Variants in AGBL4 observed in about 807,000 individuals in gnomAD.
AGBL4 encodes cytosolic carboxypeptidase 6.
AGBL4 carries 58 observed loss-of-function variants against 66.4 expected under a neutral mutation model. The observed-to-expected ratio is 0.87, with a 90% CI of 0.71 to 1.09. The LOEUF (loss-of-function observed/expected upper bound fraction) is 1.09. AGBL4 is among the 50% of genes least tolerant of loss of function. AGBL4 has a pLI of 0.00. For missense variants in AGBL4, 579 were observed against 631.0 expected (o/e 0.92, Z 0.88); for synonymous variants, 234 against 222.9 (o/e 1.05, Z -0.44).
At chr1:48,591,097 CCCACA>C in intron 9 of AGBL4, 112 bp from the exon 10 acceptor site, 1 of 751,896 alleles carries the variant, frequency 1.3e-6, no homozygotes, top group Non-Finnish European at 2.0e-6. Flanking sequence ...CCCACCCCCC[CCCACA>C]CACACACACA....
chr1:49,032,556 A>G (rs1299271391), intron 5 of AGBL4, among the ~76,000 whole-genome samples: 2 of 152,184 alleles, frequency 1.3e-5, no homozygotes, highest in Admixed American at 1.3e-4. Flanking sequence ...GTATTTGGTC[A>G]GGCATCACAG....
intron 4 of AGBL4, among the ~76,000 whole-genome samples, chr1:49,211,154 C>T (rs1293079936): frequency 6.6e-6 from 1 of 152,056 alleles, no homozygotes; most frequent in Non-Finnish European, 1.5e-5. Context: ...ATGCCCATTG[C>T]TTTTATTAGT....
intron 3 of AGBL4, among the ~76,000 whole-genome samples, chr1:49,547,489 C>T (rs527238516): frequency 6.6e-6 from 1 of 152,136 alleles, no homozygotes; most frequent in South Asian, 2.1e-4. Context: ...TATGCGGGCC[C>T]CTTCTTTGGT....
chr1:48,690,145 T>C (rs1430127096), intron 6 of AGBL4, among the ~76,000 whole-genome samples: 1 of 152,212 alleles, frequency 6.6e-6, no homozygotes, highest in African/African-American at 2.4e-5. Flanking sequence ...GTTTGCTAAA[T>C]GAGTGATTGT....
At chr1:49,304,372 T>A (rs1486946407) in intron 3 of AGBL4, among the ~76,000 whole-genome samples, 2 of 152,336 alleles carry the variant, frequency 1.3e-5, no homozygotes. Flanking sequence ...TTTTAACACA[T>A]GTCCTAACAG....
intron 3 of AGBL4, among the ~76,000 whole-genome samples, chr1:49,263,195 A>G (rs1222962578): frequency 6.6e-6 from 1 of 151,984 alleles, no homozygotes; most frequent in Non-Finnish European, 1.5e-5. Context: ...TAGGAGATAT[A>G]CCTAATGCTA....
intron 3 of AGBL4, among the ~76,000 whole-genome samples, chr1:49,553,284 C>G (rs1457809101): frequency 6.6e-6 from 1 of 152,198 alleles, no homozygotes; most frequent in Non-Finnish European, 1.5e-5. Flanking sequence ...TTCTTTACTA[C>G]TCTCTATTCC....
intron 3 of AGBL4, among the ~76,000 whole-genome samples, chr1:49,605,876 C>T (rs980726913): frequency 1.3e-5 from 2 of 151,862 alleles, no homozygotes; most frequent in African/African-American, 4.8e-5. Flanking sequence ...TTTTTAGTCT[C>T]TGTTATATTT....
At chr1:48,595,925 G>C (rs1390696706) in intron 9 of AGBL4, among the ~76,000 whole-genome samples, 1 of 152,224 alleles carries the variant, frequency 6.6e-6, no homozygotes, top group East Asian at 1.9e-4. Flanking sequence ...ATCCAATCTA[G>C]GAAGGACAGA....
At chr1:48,776,598 T>C in intron 6 of AGBL4, 1 of 1,372,158 alleles carries the variant, frequency 7.3e-7, no homozygotes, top group Non-Finnish European at 9.4e-7. Flanking sequence ...CCCCGCCCGC[T>C]TGCTCACCTG....
At chr1:49,421,628 ATAGT>A (rs561683997) in intron 3 of AGBL4, among the ~76,000 whole-genome samples, 20 of 152,304 alleles carry the variant, frequency 1.3e-4, no homozygotes, top group African/African-American at 4.6e-4. Context: ...AATAATAATA[ATAGT>A]TAATGTTTAT....
intron 3 of AGBL4, among the ~76,000 whole-genome samples, chr1:49,259,464 C>T (rs945351517): frequency 6.6e-6 from 1 of 151,558 alleles, no homozygotes; most frequent in Non-Finnish European, 1.5e-5. Flanking sequence ...GGAGGAAGAT[C>T]TACCAAGCAA....
intron 3 of AGBL4, among the ~76,000 whole-genome samples, chr1:49,642,028 G>A (rs1260985731): frequency 6.8e-6 from 1 of 147,480 alleles, no homozygotes; most frequent in African/African-American, 2.5e-5. Flanking sequence ...CATGCTTTCA[G>A]GTAAATTATT....
At chr1:48,779,433 T>C (rs532289269) in intron 6 of AGBL4, among the ~76,000 whole-genome samples, 1 of 152,308 alleles carries the variant, frequency 6.6e-6, no homozygotes, top group South Asian at 2.1e-4. Flanking sequence ...TCAAATGTCA[T>C]TGCCTTTGTG....
intron 4 of AGBL4, among the ~76,000 whole-genome samples, chr1:49,151,757 A>G (rs1315182610): frequency 2.6e-5 from 4 of 152,202 alleles, no homozygotes; most frequent in Admixed American, 6.5e-5. Flanking sequence ...AGCATATTTC[A>G]GTGTTGTAAA....
At chr1:49,522,657 A>C (rs1007675596) in intron 3 of AGBL4, among the ~76,000 whole-genome samples, 1 of 152,048 alleles carries the variant, frequency 6.6e-6, no homozygotes, top group Non-Finnish European at 1.5e-5. Context: ...TTTTAGGAGG[A>C]CCACTCAATC....
intron 6 of AGBL4, among the ~76,000 whole-genome samples, chr1:48,720,676 A>G (rs1463860682): frequency 1.3e-5 from 2 of 152,230 alleles, no homozygotes; most frequent in South Asian, 2.1e-4. Context: ...CACCATAACT[A>G]TATCTCTTGC....
rs1338776600 is a variant in AGBL4, at chr1:49,877,375, T to A, written c.35-25857A>T. ...TGAGAGTTTTTAGCTTGAAGGGTTG[T>A]TGAATTCTGTCAAAGGCTTTTTCTG... On this transcript the variant is annotated intron_variant, in intron 1 of 13. Transcript: ENST00000371839. 2.6e-5 allele frequency among the ~76,000 whole-genome samples: 4 copies of A among 152,088 alleles called. No homozygotes were observed. In the East Asian group the frequency reaches 7.7e-4, roughly 29 times the overall value.
chr1:48,658,843 A>ATG (rs5774012), intron 7 of AGBL4, among the ~76,000 whole-genome samples: 3,209 of 149,644 alleles, frequency 0.021, 44 homozygotes, highest in African/African-American at 0.035. Context: ...TGGTGTGTGC[A>ATG]TGTGTGTGTG....
Sources: allele counts gnomAD v4.1 joint callset (sites outside exome capture counted in the v4.1 genomes callset), GRCh38; gene constraint gnomAD v4.1.1; transcripts MANE v1.5; gene names NCBI Gene and HGNC (gene_info 2026-07-23, HGNC 2026-07-21).